The following TJP2 variants were observed in gnomAD, a reference collection of about 807,000 sequenced individuals.
The protein encoded by TJP2 is Friedreich ataxia region gene X104 (tight junction protein ZO-2).
A neutral mutation model predicts 133.1 loss-of-function variants in TJP2; 91 were observed. That is an observed-to-expected ratio of 0.68 (90% CI 0.58 to 0.81). The LOEUF (loss-of-function observed/expected upper bound fraction) is 0.81, where lower values mean the gene tolerates loss of function less well. TJP2 is among the 40% of genes least tolerant of loss of function. The pLI, the probability that TJP2 is intolerant of heterozygous loss-of-function variation, is 0.00. For missense variants in TJP2, 1,541 were observed against 1,565.6 expected, an observed-to-expected ratio of 0.98 and a Z score of 0.26; for synonymous variants, 592 against 583.4, an observed-to-expected ratio of 1.01 and a Z score of -0.21.
chr9:69,226,228 TC>T, intron 7 of TJP2, 53 bp downstream of exon 7: 1 of 1,591,194 alleles, frequency 6.3e-7, no homozygotes, highest in South Asian at 1.1e-5. Context: ...GGCTGTTGCT[TC>T]CCCATTCTTC....
At chr9:69,171,109 C>G (rs1207032069), upstream of TJP2, among the ~76,000 whole-genome samples, 1 of 152,316 alleles carries the variant, frequency 6.6e-6, no homozygotes, top group South Asian at 2.1e-4. Context: ...CTCCCAAGAT[C>G]TGCTCCCACT....
chr9:69,148,736 T>C (rs1487139817), intron 1 of TJP2, among the ~76,000 whole-genome samples: 2 of 152,118 alleles, frequency 1.3e-5, no homozygotes, highest in Non-Finnish European at 2.9e-5. Context: ...AACTGTACAG[T>C]TGCATGATTG....
chr9:69,138,584 C>T (rs1314397797), intron 1 of TJP2, among the ~76,000 whole-genome samples: 11 of 151,366 alleles, frequency 7.3e-5, no homozygotes, highest in African/African-American at 2.2e-4. Flanking sequence ...CTAACCAACA[C>T]GGCAAAATCC....
chr9:69,200,383 G>GA (rs751919475), intron 1 of TJP2, among the ~76,000 whole-genome samples: 1 of 127,754 alleles, frequency 7.8e-6, no homozygotes, highest in Non-Finnish European at 1.7e-5. Context: ...ACTGTTTTGT[G>GA]GTTTTTTACA....
At chr9:69,192,183 C>T (rs902352812) in intron 1 of TJP2, among the ~76,000 whole-genome samples, 1 of 151,906 alleles carries the variant, frequency 6.6e-6, no homozygotes, top group Admixed American at 6.6e-5. Context: ...CATGGTGGCA[C>T]ATGCCTGTAA....
At chr9:69,250,469 G>T (rs1981223) in intron 20 of TJP2, among the ~76,000 whole-genome samples, 2 of 152,008 alleles carry the variant, frequency 1.3e-5, no homozygotes, top group African/African-American at 4.8e-5. Flanking sequence ...AGTAGTAAAT[G>T]TGATAGGTAC....
intron 2 of TJP2, among the ~76,000 whole-genome samples, chr9:69,157,638 G>T (rs187475074): frequency 2.3e-4 from 35 of 152,118 alleles, no homozygotes; most frequent in Middle Eastern, 3.4e-3. Context: ...GCTAATTTTT[G>T]TATTTTTAGT....
chr9:69,156,073 T>C (rs1823739055), intron 2 of TJP2, among the ~76,000 whole-genome samples: 2 of 152,156 alleles, frequency 1.3e-5, no homozygotes, highest in Admixed American at 6.5e-5. Context: ...TCAATCAACT[T>C]AGAGAGTTTG....
chr9:69,153,123 C>A (rs1401346663), intron 2 of TJP2, among the ~76,000 whole-genome samples: 1 of 151,670 alleles, frequency 6.6e-6, no homozygotes, highest in East Asian at 1.9e-4. Flanking sequence ...GTCCTAGCTA[C>A]ATGAGAAGCT....
chr9:69,236,285 G>A (rs940047844), intron 13 of TJP2, 47 bp downstream of exon 13: 8 of 1,599,812 alleles, frequency 5.0e-6, no homozygotes, highest in African/African-American at 1.3e-5. Flanking sequence ...CCTTCCCCCT[G>A]CAGAAAACTA....
intron 1 of TJP2, 133 bp downstream of exon 1, chr9:69,174,565 C>G (rs943396550): frequency 3.5e-6 from 4 of 1,129,020 alleles, no homozygotes; most frequent in Admixed American, 4.1e-5. Context: ...TTCTCCCATC[C>G]GGACGTGGGA....
intron 1 of TJP2, among the ~76,000 whole-genome samples, chr9:69,186,121 T>C (rs1486452221): frequency 2.6e-5 from 4 of 152,224 alleles, no homozygotes; most frequent in African/African-American, 7.2e-5. Context: ...GGCAACAGCC[T>C]GTCTGTAATG....
chr9:69,203,511 C>T (rs973755484), intron 1 of TJP2, among the ~76,000 whole-genome samples: 1 of 150,924 alleles, frequency 6.6e-6, no homozygotes, highest in Admixed American at 6.6e-5. Flanking sequence ...AACATGTTGG[C>T]CAGGCTGGTC....
Position 69,254,344 on chromosome 9 carries a change from G to C in TJP2, c.3543G>C (p.Gln1181His), listed in dbSNP as rs1356750439. The C allele has an allele frequency of 6.2e-7, 1 of 1,614,132 alleles. No homozygotes were observed. The highest frequency in any genetic ancestry group is 1.3e-5 in the African/African-American group (1 of 74,950). The change falls in exon 23 of 23, where the codon CAG (glutamine) becomes CAC (histidine). Residue 1181 changes from glutamine (Q) to histidine (H), a missense_variant. Gln to His is a conservative substitution (Grantham distance 24). Transcript: ENST00000377245. The stretch of plus-strand genomic sequence containing the variant: ...ACTCCAAGCGCGGTTACTATGGCCA[G>C]TCTGCCCGATACCGGGACACAGAAT... Reference protein sequence around the residue: ...SEHSKRGYYGQSARYRDTEL With the variant: ...SEHSKRGYYGHSARYRDTEL
chr9:69,211,231 G>A (rs4745703), intron 1 of TJP2, among the ~76,000 whole-genome samples: 72,061 of 151,584 alleles, frequency 0.48, 18,085 homozygotes, highest in East Asian at 0.63. Context: ...TAGCTACCCA[G>A]GAGACTGAGT....
chr9:69,230,491 T>A (rs1238230005), intron 11 of TJP2, among the ~76,000 whole-genome samples: 5 of 152,242 alleles, frequency 3.3e-5, no homozygotes, highest in Non-Finnish European at 2.9e-5. Flanking sequence ...CTGATTAATG[T>A]GAAAATATTG....
At chr9:69,232,383 A>G (rs1027487301) in intron 11 of TJP2, among the ~76,000 whole-genome samples, 1 of 152,268 alleles carries the variant, frequency 6.6e-6, no homozygotes, top group Non-Finnish European at 1.5e-5. Context: ...CTCACAGCAG[A>G]CACGGCTAGA....
chr9:69,215,086 G>A (rs934661485), intron 2 of TJP2, among the ~76,000 whole-genome samples: 1 of 152,166 alleles, frequency 6.6e-6, no homozygotes, highest in Admixed American at 6.5e-5. Context: ...AATACTGCAT[G>A]TTCTCACTTA....
intron 1 of TJP2, among the ~76,000 whole-genome samples, chr9:69,185,046 G>A (rs796653167): frequency 7.9e-5 from 12 of 151,136 alleles, no homozygotes; most frequent in African/African-American, 2.4e-4. Flanking sequence ...CACCACGCTT[G>A]GGCAGCAGAC....
Sources: allele counts gnomAD v4.1 joint callset (sites outside exome capture counted in the v4.1 genomes callset), GRCh38; gene constraint gnomAD v4.1.1; transcripts MANE v1.5; gene names NCBI Gene and HGNC (gene_info 2026-07-23, HGNC 2026-07-21).